GRM7: variants seen among roughly 807,000 people sequenced by gnomAD.
GRM7 encodes metabotropic glutamate receptor 7.
GRM7 carries 35 observed loss-of-function variants against 84.5 expected under a neutral mutation model. The ratio of observed to expected loss-of-function variants is 0.41; its 90% CI spans 0.32 to 0.55. The LOEUF is 0.55. GRM7 is among the 20% of genes least tolerant of loss of function. The pLI, the probability that GRM7 is intolerant of heterozygous loss-of-function variation, is 0.19. For missense variants in GRM7, 1,003 were observed against 1,194.6 expected (o/e 0.84, Z 2.36); for synonymous variants, 487 against 455.1 (o/e 1.07, Z -0.89).
At chr3:7,152,481 G>A (rs1434245199) in intron 2 of GRM7, among the ~76,000 whole-genome samples, 1 of 152,166 alleles carries the variant, frequency 6.6e-6, no homozygotes, top group Non-Finnish European at 1.5e-5. Flanking sequence ...TTAATCTCCA[G>A]TCTCATTCCC....
intron 9 of GRM7, among the ~76,000 whole-genome samples, chr3:7,703,222 T>C (rs989846252): frequency 6.6e-6 from 1 of 152,096 alleles, no homozygotes; most frequent in Non-Finnish European, 1.5e-5. Flanking sequence ...ATCGGCAATG[T>C]CTAGAAACTT....
chr3:7,595,065 GATTC>G lies in GRM7; in HGVS notation c.2451+15718_2451+15721del, dbSNP rs1405236192. Reference sequence around the variant, plus strand: ...CTATTCAGTCAATTGTTGATTGATTGATTCATTCATTCAATATGTATTTACAAAT... The same window carrying G: ...CTATTCAGTCAATTGTTGATTGATTGATTCATTCAATATGTATTTACAAAT... On this transcript the variant is annotated intron_variant, in intron 8 of 9. Coordinates refer to ENST00000357716, the MANE Select transcript of GRM7 (RefSeq NM_000844.4). Among the ~76,000 whole-genome samples, 11 of 152,216 alleles carry G rather than the reference GATTC, an allele frequency of 7.2e-5. No individual in the cohort carries two copies. The East Asian group carries it at 1.9e-3, about 27-fold the overall frequency.
In GRM7 at chr3:7,134,501, T is replaced by G. The variant is rs76900026; in HGVS notation, c.520-11951T>G. ...ATGGTTTCCTCTCAGATATTTTATTTTAAAAAAAGTTCCTTTCATCTAGAA... is the reference window on the plus strand; with the variant it reads ...ATGGTTTCCTCTCAGATATTTTATTGTAAAAAAAGTTCCTTTCATCTAGAA... On this transcript the variant is annotated intron_variant, in intron 1 of 9. Transcript: ENST00000357716. Among the ~76,000 whole-genome samples, 60 of 152,186 alleles carry G rather than the reference T, an allele frequency of 3.9e-4. No homozygotes were observed. In the East Asian group the frequency reaches 0.011, roughly 28 times the overall value.
At chr3:7,223,607 G>T (rs959304614) in intron 2 of GRM7, among the ~76,000 whole-genome samples, 2 of 151,486 alleles carry the variant, frequency 1.3e-5, no homozygotes, top group Non-Finnish European at 1.5e-5. Context: ...TTTATTTTGG[G>T]TATTTCCTAT....
At chr3:7,274,734 G>T (rs565094427) in intron 2 of GRM7, among the ~76,000 whole-genome samples, 1 of 151,820 alleles carries the variant, frequency 6.6e-6, no homozygotes, top group African/African-American at 2.4e-5. Context: ...TTTGAAAATC[G>T]TATGTTTAGT....
At chr3:7,203,719 G>A (rs1025252509) in intron 2 of GRM7, among the ~76,000 whole-genome samples, 3 of 152,240 alleles carry the variant, frequency 2.0e-5, no homozygotes, top group Admixed American at 2.0e-4. Flanking sequence ...CGAAATGTGT[G>A]TATGTGTGTT....
intron 1 of GRM7, among the ~76,000 whole-genome samples, chr3:6,949,990 C>T (rs569073554): frequency 2.2e-4 from 34 of 152,154 alleles, no homozygotes; most frequent in Non-Finnish European, 3.2e-4. Context: ...ATTTCTTTGC[C>T]GTTGGTTCGA....
chr3:6,956,895 G>A (rs374184984), intron 1 of GRM7, among the ~76,000 whole-genome samples: 30 of 152,158 alleles, frequency 2.0e-4, no homozygotes, highest in African/African-American at 7.2e-4. Context: ...GAACACATAG[G>A]CTAAACAAAT....
At chr3:7,103,211 A>G (rs1559442803) in intron 1 of GRM7, among the ~76,000 whole-genome samples, 2 of 151,814 alleles carry the variant, frequency 1.3e-5, no homozygotes, top group Non-Finnish European at 2.9e-5. Context: ...GCTAGTAAAA[A>G]TCCTGGCTGA....
At chr3:6,970,874 C>T (rs1041770685) in intron 1 of GRM7, among the ~76,000 whole-genome samples, 2 of 151,878 alleles carry the variant, frequency 1.3e-5, no homozygotes, top group African/African-American at 2.4e-5. Context: ...CCCAGCTACT[C>T]GGGAGGCTGA....
chr3:7,351,339 GAAAAAAAAAAA>G (rs768248079), intron 4 of GRM7, among the ~76,000 whole-genome samples: 1 of 45,904 alleles, frequency 2.2e-5, no homozygotes, highest in Non-Finnish European at 3.9e-5. Context: ...TCCCACAGGC[GAAAAAAAAAAA>G]AAAAAAAAAA....
rs1056914425 is a variant in GRM7 at position 7,520,515 on chromosome 3, A to T, written c.1516-57907A>T. Among the ~76,000 whole-genome samples the T allele has an allele frequency of 1.8e-4, 11 of 61,186 alleles. No homozygotes were observed. In the East Asian group the frequency reaches 2.5e-3, roughly 14 times the overall value. The allele number at this position is 61,186 out of a possible 152,430, so 40.1% of individuals were successfully genotyped here. ...GACTCTCTAGACCTGAAAAAAATAA[A>T]AAAAAAAACACCACCATGGGACTTT... On this transcript the variant is annotated intron_variant, in intron 7 of 9. Transcript: ENST00000357716.
At chr3:7,333,712 A>AC (rs1701298620) in intron 4 of GRM7, among the ~76,000 whole-genome samples, 2 of 151,944 alleles carry the variant, frequency 1.3e-5, no homozygotes, top group African/African-American at 4.8e-5. Context: ...GAAATTAAAA[A>AC]AAAATACAGG....
chr3:7,163,228 G>A (rs1166512018), intron 2 of GRM7, among the ~76,000 whole-genome samples: 1 of 152,158 alleles, frequency 6.6e-6, no homozygotes, highest in Non-Finnish European at 1.5e-5. Context: ...TGGTATAACA[G>A]CATATTGTGC....
intron 5 of GRM7, among the ~76,000 whole-genome samples, chr3:7,435,435 T>G (rs1697004561): frequency 6.6e-6 from 1 of 151,598 alleles, no homozygotes; most frequent in Admixed American, 6.6e-5. Context: ...GGATTACAGG[T>G]ATGAGCCATT....
chr3:7,731,084 G>A (rs1279492696), intron 9 of GRM7, among the ~76,000 whole-genome samples: 2 of 144,690 alleles, frequency 1.4e-5, no homozygotes, highest in Non-Finnish European at 3.1e-5. Flanking sequence ...TTTTTCTTTT[G>A]TTTTTTTTTT....
chr3:7,645,313 C>A (rs1034829233), intron 8 of GRM7, among the ~76,000 whole-genome samples: 3 of 151,932 alleles, frequency 2.0e-5, no homozygotes, highest in Non-Finnish European at 4.4e-5. Context: ...CTTTGGGAGG[C>A]CAAGGCGGGC....
intron 8 of GRM7, among the ~76,000 whole-genome samples, chr3:7,595,693 A>G (rs1267126292): frequency 2.0e-5 from 3 of 151,996 alleles, no homozygotes; most frequent in Non-Finnish European, 4.4e-5. Flanking sequence ...CATGAATATA[A>G]CTGGGGGTGG....
At chr3:7,397,083 A>G (rs1695241431) in intron 4 of GRM7, among the ~76,000 whole-genome samples, 1 of 152,142 alleles carries the variant, frequency 6.6e-6, no homozygotes, top group Admixed American at 6.6e-5. Flanking sequence ...ACACCATTTT[A>G]CTATGATTAT....
Sources: gnomAD v4.1 joint callset for allele counts (sites outside exome capture counted in the v4.1 genomes callset) on GRCh38, gnomAD v4.1.1 for gene constraint, MANE v1.5 for transcripts, NCBI Gene and HGNC (gene_info 2026-07-23, HGNC 2026-07-21) for gene names.